GOLGA1: variants seen among roughly 807,000 people sequenced by gnomAD.
The protein encoded by GOLGA1 is golgin A1, also known as golgin subfamily A member 1.
A neutral mutation model predicts 119.7 loss-of-function variants in GOLGA1; 63 were observed. That is an observed-to-expected ratio of 0.53 (90% CI 0.43 to 0.65). GOLGA1 has a LOEUF of 0.65. GOLGA1 is among the 30% of genes least tolerant of loss of function. The probability of loss-of-function intolerance (pLI) is 0.00; values close to 1 mark genes in which losing one functional copy is unlikely to be tolerated. For synonymous variants in GOLGA1, 318 were observed against 333.4 expected (o/e 0.95, Z 0.50); for missense variants, 798 against 912.8 (o/e 0.87, Z 1.62).
chr9:124,939,093 G>C (rs1250627329), intron 2 of GOLGA1, among the ~76,000 whole-genome samples: 1 of 151,854 alleles, frequency 6.6e-6, no homozygotes, highest in African/African-American at 2.4e-5. Flanking sequence ...GTGTGGCTAA[G>C]TGGAAGGGCT....
At chr9:124,898,499 G>T in intron 15 of GOLGA1, 50 bp downstream of exon 15, 2 of 1,035,548 alleles carry the variant, frequency 1.9e-6, no homozygotes, top group Non-Finnish European at 1.5e-6. Context: ...AAATACACAT[G>T]TAGAAAACAT....
intron 10 of GOLGA1, among the ~76,000 whole-genome samples, chr9:124,914,967 C>T (rs991345565): frequency 2.0e-5 from 3 of 152,232 alleles, no homozygotes; most frequent in Admixed American, 6.5e-5. Flanking sequence ...TATGCGATCT[C>T]CTTCTCCAGG....
chr9:124,918,609 C>T (rs1045649549), intron 10 of GOLGA1, among the ~76,000 whole-genome samples: 4 of 151,792 alleles, frequency 2.6e-5, no homozygotes. Context: ...ACTAAAAATA[C>T]AAAAATTAGC....
Position 124,879,704 on chromosome 9 carries a change from C to T in GOLGA1, c.*826G>A, listed in dbSNP as rs1171985626. 1.3e-5 allele frequency: 2 copies of T among 151,808 alleles called. No homozygotes were observed. Among genetic ancestry groups the T allele is most frequent in the Non-Finnish European group, 2.9e-5 (2 of 67,952 alleles). The allele number at this position is 151,808 out of a possible 1,614,324, so 9.4% of individuals were successfully genotyped here. On this transcript the variant is annotated 3_prime_UTR_variant, in exon 23 of 23. Transcript: ENST00000373555. ...AGTTTTAGGAAGAATTTCCTCTGGA[C>T]GCTCTGATTTTAAGAACACCAGTTA...
In GOLGA1 at chr9:124,901,477, C is replaced by T. The variant is rs1693329511; in HGVS notation, c.1066-930G>A. Among the ~76,000 whole-genome samples the T allele has an allele frequency of 2.0e-5, 3 of 151,304 alleles. No individual in the cohort carries two copies. The South Asian group carries it at 6.3e-4, about 32-fold the overall frequency. Reference sequence around the variant, plus strand: ...TGAGATGGAGTCTCACTCTGTTGCCCAGGCTGGCGTGCAGTAGTGCAATCT... The same window carrying T: ...TGAGATGGAGTCTCACTCTGTTGCCTAGGCTGGCGTGCAGTAGTGCAATCT... On this transcript the variant is annotated intron_variant, in intron 12 of 22. Transcript: ENST00000373555.
intron 19 of GOLGA1, among the ~76,000 whole-genome samples, chr9:124,887,836 G>A (rs910014748): frequency 3.9e-5 from 6 of 152,076 alleles, no homozygotes; most frequent in African/African-American, 1.2e-4. Flanking sequence ...TTTATAGGAC[G>A]GTTCACAAAT....
upstream of GOLGA1, chr9:124,944,121 G>A (rs1002006362): frequency 6.6e-6 from 1 of 152,014 alleles, no homozygotes; most frequent in Non-Finnish European, 1.5e-5. Context: ...TTAAAAATAA[G>A]CAAAAAAGTT....
intron 7 of GOLGA1, 32 bp downstream of exon 7, chr9:124,926,677 C>T (rs768414954): frequency 1.3e-6 from 2 of 1,483,838 alleles, no homozygotes; most frequent in African/African-American, 1.4e-5. Context: ...ACGAGACCAA[C>T]AAAAATGAGA....
chr9:124,895,675 A>G (rs553862646), intron 15 of GOLGA1, among the ~76,000 whole-genome samples: 91 of 149,602 alleles, frequency 6.1e-4, no homozygotes, highest in African/African-American at 2.1e-3. Flanking sequence ...CACAACAGAG[A>G]CCCTCCACAA....
At chr9:124,892,246 C>T (rs1352074695) in intron 15 of GOLGA1, among the ~76,000 whole-genome samples, 6 of 152,128 alleles carry the variant, frequency 3.9e-5, no homozygotes, top group African/African-American at 1.4e-4. Context: ...TGAGCCACCA[C>T]GCCGGGCCCA....
chr9:124,898,046 C>T lies in GOLGA1; in HGVS notation c.1407+503G>A, dbSNP rs1830016992. The stretch of plus-strand genomic sequence containing the variant: ...AAGAGGCATCCTCTGATTAAAGCTC[C>T]AAGTTTGCAGAAGAGAAAGTTTAAC... On this transcript the variant is annotated intron_variant, in intron 15 of 22. Coordinates refer to ENST00000373555, the MANE Select transcript of GOLGA1 (RefSeq NM_002077.4). 5.3e-5 allele frequency among the ~76,000 whole-genome samples: 8 copies of T among 152,310 alleles called. 1 individual carries two copies. In the South Asian group the frequency reaches 1.5e-3, roughly 28 times the overall value.
intron 12 of GOLGA1, among the ~76,000 whole-genome samples, chr9:124,903,933 C>T (rs1431921249): frequency 6.6e-6 from 1 of 151,598 alleles, no homozygotes; most frequent in Non-Finnish European, 1.5e-5. Context: ...CCTGTAGGCG[C>T]GCGCCTGTAG....
chr9:124,917,391 T>C (rs1475073043), intron 10 of GOLGA1, among the ~76,000 whole-genome samples: 1 of 152,154 alleles, frequency 6.6e-6, no homozygotes, highest in Admixed American at 6.5e-5. Context: ...TTTACAATCT[T>C]CACACAATAC....
rs1255896613 is a variant in GOLGA1 at position 124,880,300 on chromosome 9, T to C, written c.*230A>G. 3 of 405,692 alleles carry C rather than the reference T, an allele frequency of 7.4e-6. No individual in the cohort carries two copies. Among genetic ancestry groups the C allele is most frequent in the Non-Finnish European group, 1.4e-5 (3 of 214,068 alleles). 25.1% of individuals were successfully genotyped at this position (405,692 alleles called of 1,614,324 possible). A position where few individuals can be genotyped will look rare whatever the true frequency, so the allele number is the denominator to read the frequency against. On this transcript the variant is annotated 3_prime_UTR_variant, in exon 23 of 23. Transcript: ENST00000373555. The stretch of plus-strand genomic sequence containing the variant: ...GGATATTAGCAGCACTGTGGAAATC[T>C]GGGTAGTGCCAGGACCCTCCTGTTT...
chr9:124,894,285 A>G (rs780267642), intron 15 of GOLGA1, among the ~76,000 whole-genome samples: 3 of 151,350 alleles, frequency 2.0e-5, no homozygotes, highest in Non-Finnish European at 4.4e-5. Flanking sequence ...CCTGGCCTTC[A>G]TTTTGGCCTC....
chr9:124,934,961 C>T (rs1234137241), intron 3 of GOLGA1, among the ~76,000 whole-genome samples: 3 of 152,072 alleles, frequency 2.0e-5, no homozygotes, highest in Non-Finnish European at 4.4e-5. Context: ...ATGGGAGAAT[C>T]GCTTGAGCCC....
intron 11 of GOLGA1, among the ~76,000 whole-genome samples, chr9:124,908,688 T>TA (rs759964612): frequency 6.6e-6 from 1 of 152,134 alleles, no homozygotes; most frequent in Non-Finnish European, 1.5e-5. Flanking sequence ...AAAAGACTAA[T>TA]AAAAAATTAC....
chr9:124,924,571 G>A (rs1401692077), intron 7 of GOLGA1, among the ~76,000 whole-genome samples: 1 of 149,384 alleles, frequency 6.7e-6, no homozygotes, highest in Non-Finnish European at 1.5e-5. Context: ...AGTCGAGGCT[G>A]CAGTGAGCTA....
At chr9:124,900,853 T>C (rs1354875130) in intron 12 of GOLGA1, among the ~76,000 whole-genome samples, 3 of 152,134 alleles carry the variant, frequency 2.0e-5, no homozygotes, top group Non-Finnish European at 4.4e-5. Context: ...GACCTCAGAT[T>C]ATTATTTCCT....
Sources: gnomAD v4.1 joint callset for allele counts (sites outside exome capture counted in the v4.1 genomes callset) on GRCh38, gnomAD v4.1.1 for gene constraint, MANE v1.5 for transcripts, NCBI Gene and HGNC (gene_info 2026-07-23, HGNC 2026-07-21) for gene names.